Variants in SKIC3 observed in about 807,000 individuals in gnomAD.
SKIC3 encodes the protein SKI3 subunit of superkiller complex, also known as superkiller complex protein 3.
At chr5:95,521,465 TC>T in the SKIC3 span, 2 of 151,894 alleles carry the variant, frequency 1.3e-5, no homozygotes, top group African/African-American at 4.8e-5. Flanking sequence ...CATAAAGCAT[TC>T]CTTAAGAAAA....
At chr5:95,534,385 T>C in the SKIC3 span, among the ~76,000 whole-genome samples, 1 of 152,050 alleles carries the variant, frequency 6.6e-6, no homozygotes, top group African/African-American at 2.4e-5. Context: ...CCCACCCCTC[T>C]AAAAGCTTAC....
chr5:95,524,622 A>C, the SKIC3 span: 1 of 1,611,678 alleles, frequency 6.2e-7, no homozygotes, highest in East Asian at 2.2e-5. Flanking sequence ...AAAAAGAAAT[A>C]GTAAAACAAA....
the SKIC3 span, among the ~76,000 whole-genome samples, chr5:95,521,735 G>A: frequency 6.6e-6 from 1 of 152,074 alleles, no homozygotes; most frequent in African/African-American, 2.4e-5. Context: ...AGATATTCTG[G>A]AGACATGATG....
At chr5:95,527,265 T>C in the SKIC3 span, among the ~76,000 whole-genome samples, 8 of 152,224 alleles carry the variant, frequency 5.3e-5, no homozygotes, top group African/African-American at 1.9e-4. Context: ...CATTTGTTTT[T>C]TTGTGAAAAC....
the SKIC3 span, chr5:95,516,992 T>C: frequency 6.2e-7 from 1 of 1,613,560 alleles, no homozygotes; most frequent in Non-Finnish European, 8.5e-7. Context: ...TGCTTGGCGA[T>C]AATAATTAAT....
the SKIC3 span, chr5:95,530,069 G>T: frequency 6.2e-7 from 1 of 1,611,112 alleles, no homozygotes; most frequent in Non-Finnish European, 8.5e-7. Context: ...CACGTTACAT[G>T]CCATACACTG....
At chr5:95,476,378 A>C in the SKIC3 span, among the ~76,000 whole-genome samples, 1 of 152,162 alleles carries the variant, frequency 6.6e-6, no homozygotes, top group African/African-American at 2.4e-5. Context: ...TATCTTAGCC[A>C]ACTTGTCAAT....
the SKIC3 span, chr5:95,494,727 T>G: frequency 6.2e-7 from 1 of 1,613,732 alleles, no homozygotes; most frequent in East Asian, 2.2e-5. Context: ...AGTGCAGTAT[T>G]TTTTTCATCT....
the SKIC3 span, chr5:95,494,623 CA>C: frequency 4.5e-6 from 7 of 1,547,738 alleles, no homozygotes; most frequent in Non-Finnish European, 5.3e-6. Flanking sequence ...CCCCCACTTA[CA>C]AAATATGTAT....
chr5:95,480,012 T>C, the SKIC3 span, among the ~76,000 whole-genome samples: 1 of 152,146 alleles, frequency 6.6e-6, no homozygotes, highest in African/African-American at 2.4e-5. Context: ...GGGGACTGAA[T>C]AGTCTTTTCA....
At chr5:95,539,547 A>G in the SKIC3 span, among the ~76,000 whole-genome samples, 1 of 152,140 alleles carries the variant, frequency 6.6e-6, no homozygotes, top group African/African-American at 2.4e-5. Context: ...GAGACTCCTT[A>G]AAGAACTAAA....
At chr5:95,524,176 A>G in the SKIC3 span, among the ~76,000 whole-genome samples, 2 of 152,208 alleles carry the variant, frequency 1.3e-5, no homozygotes, top group African/African-American at 4.8e-5. Context: ...TAAACATCTA[A>G]CTTGTATGCT....
the SKIC3 span, chr5:95,537,235 A>C: frequency 9.2e-7 from 1 of 1,085,838 alleles, no homozygotes; most frequent in South Asian, 1.3e-5. Context: ...ACGTTCAATT[A>C]ACTGCAAATG....
chr5:95,492,674 A>AAAAAAAAAAAAAAAAAAAAAAG, the SKIC3 span, among the ~76,000 whole-genome samples: 1 of 141,044 alleles, frequency 7.1e-6, no homozygotes, highest in Admixed American at 7.0e-5. Context: ...AAAAAAAAAA[A>AAAAAAAAAAAAAAAAAAAAAAG]AAAAAAAAAA....
the SKIC3 span, among the ~76,000 whole-genome samples, chr5:95,547,790 C>T: frequency 1.3e-5 from 2 of 152,010 alleles, no homozygotes; most frequent in Non-Finnish European, 2.9e-5. Flanking sequence ...AACACTAACA[C>T]AAATAATTTC....
chr5:95,483,517 T>A, the SKIC3 span, among the ~76,000 whole-genome samples: 1 of 152,156 alleles, frequency 6.6e-6, no homozygotes, highest in Admixed American at 6.6e-5. Context: ...TGAACTTAGA[T>A]GGAATTCCTT....
chr5:95,547,294 A>G, the SKIC3 span: 3 of 707,132 alleles, frequency 4.2e-6, no homozygotes, highest in South Asian at 1.6e-5. Context: ...TAGAATATAC[A>G]CAGTTTATTC....
chr5:95,523,496 G>A, the SKIC3 span, among the ~76,000 whole-genome samples: 1 of 151,758 alleles, frequency 6.6e-6, no homozygotes, highest in Non-Finnish European at 1.5e-5. Context: ...TTTAATATCT[G>A]CCAATGGAAA....
At chr5:95,506,791 G>A in the SKIC3 span, 2 of 844,926 alleles carry the variant, frequency 2.4e-6, no homozygotes, top group Non-Finnish European at 3.8e-6. Context: ...ATAGGAAACT[G>A]TTAACAGAGC....
Sources: allele counts gnomAD v4.1 joint callset (sites outside exome capture counted in the v4.1 genomes callset), GRCh38; gene constraint gnomAD v4.1.1; transcripts MANE v1.5; gene names NCBI Gene and HGNC (gene_info 2026-07-23, HGNC 2026-07-21).